The following FIRRM variants were observed in gnomAD, a reference collection of about 807,000 sequenced individuals.
The protein encoded by FIRRM is FIGNL1 interacting regulator of recombination and mitosis.
the FIRRM span, chr1:169,836,931 A>G: frequency 6.2e-7 from 1 of 1,609,046 alleles, no homozygotes; most frequent in Non-Finnish European, 8.5e-7. Context: ...TTTCAGCTGG[A>G]GTTTATCCAG....
the FIRRM span, chr1:169,843,805 A>G: frequency 7.4e-7 from 1 of 1,359,474 alleles, no homozygotes; most frequent in Non-Finnish European, 1.0e-6. Context: ...TTTGTTTGCT[A>G]AGGAGGTTGC....
At chr1:169,833,844 T>C in the FIRRM span, among the ~76,000 whole-genome samples, 2 of 134,756 alleles carry the variant, frequency 1.5e-5, no homozygotes, top group Non-Finnish European at 3.1e-5. Flanking sequence ...AAAGTCACTT[T>C]CCTTTTTTTT....
chr1:169,812,934 A>G, the FIRRM span, among the ~76,000 whole-genome samples: 1 of 152,164 alleles, frequency 6.6e-6, no homozygotes, highest in African/African-American at 2.4e-5. Context: ...CTATTTTCAA[A>G]TATTTTTAAT....
the FIRRM span, among the ~76,000 whole-genome samples, chr1:169,815,726 A>T: frequency 6.6e-6 from 1 of 152,142 alleles, no homozygotes. Flanking sequence ...GTGACTTAGG[A>T]TGCCTAACCT....
chr1:169,791,943 T>G, the FIRRM span, among the ~76,000 whole-genome samples: 2 of 152,198 alleles, frequency 1.3e-5, no homozygotes, highest in African/African-American at 4.8e-5. Flanking sequence ...AATCTGGAAT[T>G]CTCCTTTCTT....
the FIRRM span, among the ~76,000 whole-genome samples, chr1:169,835,537 T>C: frequency 6.6e-6 from 1 of 152,204 alleles, no homozygotes; most frequent in Non-Finnish European, 1.5e-5. Context: ...TTTTTCTCTT[T>C]CCAATTTTAA....
At chr1:169,837,714 T>C in the FIRRM span, among the ~76,000 whole-genome samples, 1 of 152,198 alleles carries the variant, frequency 6.6e-6, no homozygotes. Context: ...AACCAAAAAT[T>C]TCTACTCTCA....
At chr1:169,784,525 C>T in the FIRRM span, among the ~76,000 whole-genome samples, 1 of 152,162 alleles carries the variant, frequency 6.6e-6, no homozygotes, top group East Asian at 1.9e-4. Context: ...CTTTCCTCTC[C>T]CTTCCATCCA....
At chr1:169,847,540 G>A in the FIRRM span, 1 of 556,834 alleles carries the variant, frequency 1.8e-6, no homozygotes, top group Non-Finnish European at 3.2e-6. Flanking sequence ...AATTCTACCA[G>A]TGAAGTTCAG....
At chr1:169,829,179 C>A in the FIRRM span, 1 of 1,223,960 alleles carries the variant, frequency 8.2e-7, no homozygotes, top group South Asian at 2.0e-5. Context: ...GCTTAAACAA[C>A]CTTCCATGTT....
At chr1:169,822,224 A>G in the FIRRM span, among the ~76,000 whole-genome samples, 1 of 152,208 alleles carries the variant, frequency 6.6e-6, no homozygotes, top group Non-Finnish European at 1.5e-5. Flanking sequence ...TGTAAGAAGC[A>G]GCCAACTACT....
At chr1:169,797,105 G>C in the FIRRM span, among the ~76,000 whole-genome samples, 1 of 152,144 alleles carries the variant, frequency 6.6e-6, no homozygotes, top group Non-Finnish European at 1.5e-5. Flanking sequence ...TCTTCACAGC[G>C]TTACCCTCAG....
chr1:169,810,834 A>ATTTTTTTTTTTTTTTTTTTTTTT, the FIRRM span, among the ~76,000 whole-genome samples: 3 of 61,208 alleles, frequency 4.9e-5, 1 homozygote, highest in African/African-American at 1.4e-4. Flanking sequence ...TTAGCCCCCA[A>ATTTTTTTTTTTTTTTTTTTTTTT]TTTTTTTTTT....
At chr1:169,827,976 CAT>C in the FIRRM span, 3 of 812,264 alleles carry the variant, frequency 3.7e-6, no homozygotes, top group Non-Finnish European at 5.7e-6. Flanking sequence ...TGTAGACACA[CAT>C]ATATATTGCT....
chr1:169,785,799 G>C, the FIRRM span, among the ~76,000 whole-genome samples: 5 of 152,144 alleles, frequency 3.3e-5, no homozygotes, highest in African/African-American at 1.2e-4. Flanking sequence ...CTTTACCAGC[G>C]AACCTGTATT....
chr1:169,849,651 T>C, the FIRRM span: 320 of 1,397,000 alleles, frequency 2.3e-4, no homozygotes, highest in Non-Finnish European at 4.5e-5. Context: ...ACCATTTTAA[T>C]ATTTCAAATA....
At chr1:169,785,772 A>C in the FIRRM span, among the ~76,000 whole-genome samples, 3 of 152,132 alleles carry the variant, frequency 2.0e-5, no homozygotes, top group African/African-American at 7.2e-5. Flanking sequence ...ATAGATTTTC[A>C]GGCTTGAAGG....
At chr1:169,852,805 G>A in the FIRRM span, 1 of 1,613,930 alleles carries the variant, frequency 6.2e-7, no homozygotes, top group Non-Finnish European at 8.5e-7. Flanking sequence ...TGCAAAAAGA[G>A]CTCGTCAGGA....
chr1:169,811,863 G>T, the FIRRM span, among the ~76,000 whole-genome samples: 4 of 143,054 alleles, frequency 2.8e-5, no homozygotes, highest in South Asian at 2.2e-4. Context: ...ATAATAGATA[G>T]ATAGATTAGA....
Sources: gnomAD v4.1 joint callset for allele counts (sites outside exome capture counted in the v4.1 genomes callset) on GRCh38, gnomAD v4.1.1 for gene constraint, MANE v1.5 for transcripts, NCBI Gene and HGNC (gene_info 2026-07-23, HGNC 2026-07-21) for gene names.